DYNLL1: variants seen among roughly 807,000 people sequenced by gnomAD.
The protein encoded by DYNLL1 is dynein light chain LC8-type 1.
A neutral mutation model predicts 10.1 loss-of-function variants in DYNLL1; 3 were observed. That is an observed-to-expected ratio of 0.30 (90% CI 0.14 to 0.77). The LOEUF is 0.77. DYNLL1 is among the 30% of genes least tolerant of loss of function. The pLI, the probability that DYNLL1 is intolerant of heterozygous loss-of-function variation, is 0.66. For missense variants in DYNLL1, 47 were observed against 111.7 expected (o/e 0.42, Z 2.61); for synonymous variants, 46 against 41.2 (o/e 1.12, Z -0.45).
intron 1 of DYNLL1, among the ~76,000 whole-genome samples, chr12:120,480,594 C>T (rs7964008): frequency 0.16 from 23,605 of 152,096 alleles, 2,257 homozygotes; most frequent in African/African-American, 0.27. Flanking sequence ...CTCCCTCTAC[C>T]TCTGCCTCCC....
Position 120,478,105 on chromosome 12 carries a change from T to TG in DYNLL1, c.-7+8001_-7+8002insG, listed in dbSNP as rs1555221085. Among the ~76,000 whole-genome samples the TG allele has an allele frequency of 7.9e-3, 1,192 of 149,974 alleles. 18 individuals carry two copies. The highest frequency in any genetic ancestry group is 0.028 in the African/African-American group (1,117 of 40,580). ...CTGCACCCGGCCAAAAGTTTTTTTT[T>TG]TTGTTGTTGTTTTTTTTTTTGAGAA... On this transcript the variant is annotated intron_variant, in intron 1 of 2. Coordinates refer to the DYNLL1 transcript ENST00000392509.
chr12:120,489,281 A>AC (rs1233726084), intron 1 of DYNLL1, among the ~76,000 whole-genome samples: 2 of 152,202 alleles, frequency 1.3e-5, no homozygotes, highest in African/African-American at 4.8e-5. Context: ...TGCATATTTG[A>AC]CATCTCCACT....
intron 1 of DYNLL1, among the ~76,000 whole-genome samples, chr12:120,480,867 C>G (rs1291104001): frequency 6.6e-6 from 1 of 151,430 alleles, no homozygotes; most frequent in African/African-American, 2.4e-5. Flanking sequence ...TCACGTCATT[C>G]TCCTGCCTCA....
chr12:120,497,068 G>T (rs1028148304), intron 2 of DYNLL1: 2 of 196,396 alleles, frequency 1.0e-5, no homozygotes, highest in Admixed American at 5.2e-5. Flanking sequence ...AAGAAAGCTG[G>T]CAGCCTAAGC....
chr12:120,471,651 C>T (rs1014600474), intron 1 of DYNLL1, among the ~76,000 whole-genome samples: 2 of 151,906 alleles, frequency 1.3e-5, no homozygotes, highest in African/African-American at 2.4e-5. Flanking sequence ...TACACTGTCA[C>T]CCAGGCTGCA....
chr12:120,496,719 G>C, intron 2 of DYNLL1, 166 bp downstream of exon 2: 1 of 1,001,212 alleles, frequency 1.0e-6, no homozygotes, highest in Non-Finnish European at 1.5e-6. Context: ...CTGTGGAGAA[G>C]ACCAGACCCC....
upstream of DYNLL1, chr12:120,496,035 C>G (rs1313107977): frequency 2.9e-6 from 1 of 346,772 alleles, no homozygotes; most frequent in African/African-American, 2.1e-5. Context: ...CCAATAGGGT[C>G]GCGCGGCGAG....
At chr12:120,486,597 G>A (rs1475690189) in intron 1 of DYNLL1, among the ~76,000 whole-genome samples, 3 of 151,956 alleles carry the variant, frequency 2.0e-5, no homozygotes, top group South Asian at 4.2e-4. Context: ...AGCCTCCTGA[G>A]TAGCTGGAAC....
At chr12:120,487,272 C>A (rs1326503376) in intron 1 of DYNLL1, among the ~76,000 whole-genome samples, 1 of 50,382 alleles carries the variant, frequency 2.0e-5, no homozygotes, top group Non-Finnish European at 3.5e-5. Context: ...CGTGCCCGGC[C>A]TTTTTTTTTT....
At chr12:120,472,324 A>T (rs898665883) in intron 1 of DYNLL1, among the ~76,000 whole-genome samples, 1 of 152,250 alleles carries the variant, frequency 6.6e-6, no homozygotes, top group Non-Finnish European at 1.5e-5. Context: ...ATAAAACATA[A>T]TAAATGATTC....
At position 120,498,471 on chromosome 12, in the gene DYNLL1, AAAAT is replaced by A. The variant is rs1479005369; in HGVS notation, c.*266_*269del. 5.2e-5 allele frequency: 19 copies of A among 368,274 alleles called. No individual in the cohort carries two copies. The highest frequency in any genetic ancestry group is 3.2e-4 in the South Asian group (6 of 18,880). The allele number at this position is 368,274 out of a possible 1,614,324, so 22.8% of individuals were successfully genotyped here. On this transcript the variant is annotated 3_prime_UTR_variant, in exon 3 of 3. Coordinates refer to ENST00000242577, the MANE Select transcript of DYNLL1 (RefSeq NM_003746.3). ...TTTCTCTCAAAATCCATTCCTTTAA[AAAAT>A]AAATCTGATGCAGATGTGTATGTGT...
At chr12:120,481,008 C>G (rs1051751488) in intron 1 of DYNLL1, among the ~76,000 whole-genome samples, 2 of 152,192 alleles carry the variant, frequency 1.3e-5, no homozygotes, top group African/African-American at 4.8e-5. Context: ...ATCTGCCCAC[C>G]TTGGCCTCCC....
chr12:120,494,063 G>A (rs1281251701), upstream of DYNLL1: 2 of 151,988 alleles, frequency 1.3e-5, no homozygotes, highest in Non-Finnish European at 2.9e-5. Context: ...TTTCCCTGGG[G>A]TTTCTACTTA....
upstream of DYNLL1, among the ~76,000 whole-genome samples, chr12:120,492,290 C>T (rs890842157): frequency 3.3e-5 from 5 of 152,252 alleles, no homozygotes; most frequent in East Asian, 7.7e-4. This position sits in a 1 kb window ranked among gnomAD's most constrained non-coding sequence, Gnocchi z 4.1. Context: ...CTGCCACCAA[C>T]CTATAACGAA....
rs1868390684 is a variant in DYNLL1 at position 120,496,236 on chromosome 12, A to G, written c.-7+20A>G. 6 of 848,268 alleles carry G rather than the reference A, an allele frequency of 7.1e-6. No homozygotes were observed. Among genetic ancestry groups the G allele is most frequent in the African/African-American group, 5.1e-5 (3 of 58,510 alleles). The allele number at this position is 848,268 out of a possible 1,614,324, so 52.5% of individuals were successfully genotyped here. A position where few individuals can be genotyped will look rare whatever the true frequency, so the allele number is the denominator to read the frequency against. On this transcript the variant is annotated intron_variant, in intron 1 of 2. Coordinates refer to ENST00000242577, the MANE Select transcript of DYNLL1 (RefSeq NM_003746.3). ...TCCACGGTGAGAAACTCGGGGGGCC[A>G]GGGGGTGTCCTCGCTGCCTTATTTC...
intron 1 of DYNLL1, among the ~76,000 whole-genome samples, chr12:120,474,734 C>G (rs938317478): frequency 6.6e-6 from 1 of 152,190 alleles, no homozygotes; most frequent in Admixed American, 6.5e-5. Flanking sequence ...TGAGCTCCTC[C>G]CAGACCTTGG....
chr12:120,484,740 CTTT>C (rs34764295), intron 1 of DYNLL1, among the ~76,000 whole-genome samples: 6 of 141,434 alleles, frequency 4.2e-5, no homozygotes, highest in Admixed American at 1.4e-4. Context: ...TATGCATGGA[CTTT>C]TTTTTTTTTT....
At chr12:120,478,716 C>G (rs963312788) in intron 1 of DYNLL1, among the ~76,000 whole-genome samples, 2 of 149,718 alleles carry the variant, frequency 1.3e-5, no homozygotes, top group East Asian at 4.4e-4. Context: ...GATGGAGTCT[C>G]AATCTGTCAC....
rs1208156439 is a variant in DYNLL1, at chr12:120,498,365, A to G, written c.*155A>G. 3 of 843,348 alleles carry G rather than the reference A, an allele frequency of 3.6e-6. No homozygotes were observed. The African/African-American group carries it at 5.2e-5, about 15-fold the overall frequency. The allele number at this position is 843,348 out of a possible 1,614,324, so 52.2% of individuals were successfully genotyped here. On this transcript the variant is annotated 3_prime_UTR_variant, in exon 3 of 3. Transcript: ENST00000242577. ...TTTTGTACAGGGCATTCTCTGTACT[A>G]GTTTGTCGTGGTTATAAAACAATTA...
Sources: allele counts gnomAD v4.1 joint callset (sites outside exome capture counted in the v4.1 genomes callset), GRCh38; gene constraint gnomAD v4.1.1; non-coding constraint Gnocchi (gnomAD v3.1); transcripts MANE v1.5; gene names NCBI Gene and HGNC (gene_info 2026-07-23, HGNC 2026-07-21).